RARB: variants seen among roughly 807,000 people sequenced by gnomAD.
The protein encoded by RARB is HBV-activated protein.
In RARB, 17 loss-of-function variants were observed where a neutral mutation model predicts 51.9. The ratio of observed to expected loss-of-function variants is 0.33; its 90% confidence interval spans 0.22 to 0.49. RARB has a LOEUF of 0.49. Ranked by LOEUF, RARB falls within the 20% of genes least tolerant of loss-of-function variation. The pLI, the probability that RARB is intolerant of heterozygous loss-of-function variation, is 0.99. For missense variants in RARB, 369 were observed against 550.8 expected (o/e 0.67, Z 3.30); for synonymous variants, 215 against 195.4 (o/e 1.10, Z -0.84).
In RARB at chr3:25,242,287, C is replaced by T. The variant is rs111682943; in HGVS notation, c.178+67712C>T. 3.6e-4 allele frequency among the ~76,000 whole-genome samples: 55 copies of T among 152,020 alleles called. 1 individual carries two copies. The highest frequency in any genetic ancestry group is 1.0e-3 in the African/African-American group (43 of 41,470). ...TCACTCTGATGGTAGTTTATTTTGC[C>T]GTGCAGAAACTCTTTAGTTTAATTA... On this transcript the variant is annotated intron_variant, in intron 5 of 11. Transcript: ENST00000383772.
chr3:25,163,507 ATAT>A (rs1700508987), intron 4 of RARB, among the ~76,000 whole-genome samples: 4 of 14,286 alleles, frequency 2.8e-4, no homozygotes, highest in South Asian at 1.9e-3. Flanking sequence ...ATCTCAAAAT[ATAT>A]ATATATATAT....
intron 5 of RARB, among the ~76,000 whole-genome samples, chr3:25,584,061 A>C (rs1295597498): frequency 6.6e-6 from 1 of 152,054 alleles, no homozygotes; most frequent in Non-Finnish European, 1.5e-5. Flanking sequence ...AATTAGGATC[A>C]AGTCTCTCTC....
At chr3:25,280,022 G>A (rs1211197696) in intron 5 of RARB, among the ~76,000 whole-genome samples, 1 of 152,100 alleles carries the variant, frequency 6.6e-6, no homozygotes, top group Admixed American at 6.6e-5. Context: ...ATAACAAAAG[G>A]CAGATTAACT....
chr3:25,302,569 A>T (rs1483665798), intron 5 of RARB, among the ~76,000 whole-genome samples: 1 of 152,224 alleles, frequency 6.6e-6, no homozygotes, highest in Non-Finnish European at 1.5e-5. Context: ...AATGTAACAG[A>T]AAGTAGATTA....
At chr3:24,905,352 C>G (rs879367973) in intron 2 of RARB, among the ~76,000 whole-genome samples, 3 of 152,142 alleles carry the variant, frequency 2.0e-5, no homozygotes, top group African/African-American at 4.8e-5. Flanking sequence ...GTCTTAAGGC[C>G]AAATGCACCT....
At chr3:25,098,939 T>C (rs750960988) in intron 3 of RARB, among the ~76,000 whole-genome samples, 6 of 152,202 alleles carry the variant, frequency 3.9e-5, no homozygotes, top group Non-Finnish European at 8.8e-5. Context: ...TGTTTTCCTC[T>C]AAGATATTTA....
At chr3:25,449,601 C>T (rs1377689901) in intron 1 of RARB, among the ~76,000 whole-genome samples, 1 of 152,074 alleles carries the variant, frequency 6.6e-6, no homozygotes, top group Non-Finnish European at 1.5e-5. Flanking sequence ...CAGACCCATT[C>T]CCTTGAACTT....
chr3:25,281,064 A>G (rs555530860), intron 5 of RARB, among the ~76,000 whole-genome samples: 1 of 152,356 alleles, frequency 6.6e-6, no homozygotes, highest in African/African-American at 2.4e-5. Flanking sequence ...ATTTGCATTT[A>G]TAGTACAAAT....
chr3:25,369,657 T>G (rs1218568275), intron 5 of RARB, among the ~76,000 whole-genome samples: 2 of 152,208 alleles, frequency 1.3e-5, no homozygotes, highest in African/African-American at 4.8e-5. Context: ...GCGCGGTGGC[T>G]CACGCCTGTA....
intron 2 of RARB, among the ~76,000 whole-genome samples, chr3:24,913,280 A>C (rs77878264): frequency 1.3e-5 from 2 of 151,894 alleles, no homozygotes; most frequent in African/African-American, 4.8e-5. Context: ...CACCGCGCCC[A>C]GCCGGTACTG....
chr3:25,544,945 A>C (rs1699555581), intron 3 of RARB, among the ~76,000 whole-genome samples: 1 of 146,592 alleles, frequency 6.8e-6, no homozygotes, highest in Non-Finnish European at 1.5e-5. Flanking sequence ...TTGTCTGTAC[A>C]TTTTGTTGTT....
chr3:25,144,394 G>T (rs2125338324), intron 4 of RARB, among the ~76,000 whole-genome samples: 1 of 152,202 alleles, frequency 6.6e-6, no homozygotes, highest in South Asian at 2.1e-4. Context: ...GGTTCTGGAG[G>T]GGGTTGGTGA....
intron 4 of RARB, among the ~76,000 whole-genome samples, chr3:25,139,960 C>G (rs1251866986): frequency 6.6e-6 from 1 of 152,096 alleles, no homozygotes; most frequent in African/African-American, 2.4e-5. Context: ...CTGTTTGCAG[C>G]CAGGTTTACT....
chr3:24,859,325 G>A (rs891233230), intron 2 of RARB, among the ~76,000 whole-genome samples: 10 of 152,122 alleles, frequency 6.6e-5, no homozygotes, highest in Non-Finnish European at 1.3e-4. Flanking sequence ...GAGAAAGTGG[G>A]AATGGATTCA....
intron 3 of RARB, among the ~76,000 whole-genome samples, chr3:25,543,824 T>C (rs1699494347): frequency 6.6e-6 from 1 of 152,198 alleles, no homozygotes; most frequent in Non-Finnish European, 1.5e-5. Context: ...CCCCATGATC[T>C]TCAATGAAGA....
intron 3 of RARB, among the ~76,000 whole-genome samples, chr3:25,553,300 C>T (rs751647740): frequency 1.3e-4 from 20 of 152,194 alleles, no homozygotes; most frequent in Non-Finnish European, 2.2e-4. Flanking sequence ...CACTGGCGCC[C>T]AGGCATACTC....
intron 5 of RARB, among the ~76,000 whole-genome samples, chr3:25,328,612 G>A (rs561797449): frequency 4.6e-5 from 7 of 152,304 alleles, no homozygotes; most frequent in East Asian, 3.9e-4. Context: ...CAGCATGAGC[G>A]ACACAGAAGA....
chr3:25,252,961 G>A (rs1214816421), intron 5 of RARB, among the ~76,000 whole-genome samples: 2 of 152,122 alleles, frequency 1.3e-5, no homozygotes, highest in Non-Finnish European at 2.9e-5. Flanking sequence ...CTATGAAGGG[G>A]AGGGTAATAT....
chr3:25,083,441 ATT>A (rs35576762), intron 3 of RARB, among the ~76,000 whole-genome samples: 132,130 of 151,466 alleles, frequency 0.87, 57,787 homozygotes, highest in African/African-American at 0.93. Context: ...TCATCCAGTG[ATT>A]TTTTTTTTTC....
Sources: allele counts gnomAD v4.1 joint callset (sites outside exome capture counted in the v4.1 genomes callset), GRCh38; gene constraint gnomAD v4.1.1; transcripts MANE v1.5; gene names NCBI Gene and HGNC (gene_info 2026-07-23, HGNC 2026-07-21).